The following SPATA1 variants were observed in gnomAD, a reference collection of about 807,000 sequenced individuals.
SPATA1 encodes spermatogenesis-associated protein 1.
In SPATA1, 57 loss-of-function variants were observed where a neutral mutation model predicts 59.6. The observed-to-expected ratio is 0.96, with a 90% CI of 0.77 to 1.19. SPATA1 has a LOEUF of 1.19. Ranked by LOEUF, SPATA1 falls within the 50% of genes most tolerant of loss-of-function variation. The probability of loss-of-function intolerance (pLI) is 0.00; values close to 1 mark genes in which losing one functional copy is unlikely to be tolerated. For missense variants in SPATA1, 448 were observed against 480.7 expected (o/e 0.93, Z 0.64); for synonymous variants, 147 against 163.9 (o/e 0.90, Z 0.79).
chr1:84,529,723 C>A (rs1458966452), intron 6 of SPATA1, among the ~76,000 whole-genome samples: 1 of 151,482 alleles, frequency 6.6e-6, no homozygotes, highest in Non-Finnish European at 1.5e-5. Context: ...ATTACAGGTG[C>A]CTGCCACCAC....
chr1:84,511,056 T>TAAG (rs905710467), intron 1 of SPATA1, among the ~76,000 whole-genome samples: 2 of 152,106 alleles, frequency 1.3e-5, no homozygotes, highest in Non-Finnish European at 1.5e-5. Context: ...TACAGAAATA[T>TAAG]AAGTTAGATA....
chr1:84,550,650 GTTACC>G (rs1042958365), intron 12 of SPATA1, 120 bp downstream of exon 12: 17 of 1,264,372 alleles, frequency 1.3e-5, no homozygotes, highest in Non-Finnish European at 1.6e-5. Flanking sequence ...TATTAAAATT[GTTACC>G]TTAACAGTAA....
intron 1 of SPATA1, chr1:84,507,307 A>G (rs1486838675): frequency 5.9e-5 from 9 of 152,234 alleles, no homozygotes; most frequent in Non-Finnish European, 4.4e-5. Flanking sequence ...AACAAAATCT[A>G]ATTTATTTAC....
intron 1 of SPATA1, chr1:84,506,968 T>C (rs1186894807): frequency 6.6e-6 from 1 of 152,256 alleles, no homozygotes; most frequent in Non-Finnish European, 1.5e-5. Context: ...TATTGTACTT[T>C]TTAAAATAAA....
At chr1:84,536,604 C>A (rs1683694054) in intron 8 of SPATA1, among the ~76,000 whole-genome samples, 1 of 152,100 alleles carries the variant, frequency 6.6e-6, no homozygotes, top group Admixed American at 6.5e-5. Context: ...CCACCACGCC[C>A]GGCTAATTTT....
chr1:84,527,642 T>G (rs1435521271), intron 6 of SPATA1: 1 of 152,214 alleles, frequency 6.6e-6, no homozygotes, highest in East Asian at 1.9e-4. Context: ...TAAATATAGA[T>G]CTGTGTCATT....
chr1:84,557,271 G>A (rs1486887919), downstream of SPATA1, among the ~76,000 whole-genome samples: 2 of 152,082 alleles, frequency 1.3e-5, no homozygotes, highest in African/African-American at 4.8e-5. Flanking sequence ...GATGGCTTAC[G>A]CCTGTAATCC....
At chr1:84,545,878 A>C in intron 10 of SPATA1, 119 bp downstream of exon 10, 1 of 739,604 alleles carries the variant, frequency 1.4e-6, no homozygotes, top group Admixed American at 4.5e-5. Context: ...ATTTTAGTTT[A>C]AGTGGTACAT....
intron 8 of SPATA1, among the ~76,000 whole-genome samples, chr1:84,535,695 T>C (rs1683649572): frequency 6.6e-6 from 1 of 152,332 alleles, no homozygotes; most frequent in Non-Finnish European, 1.5e-5. Flanking sequence ...TTTTGCTAAA[T>C]TCAATTAGTT....
exon 7 of SPATA1, chr1:84,532,957 C>G: frequency 6.4e-7 from 1 of 1,550,700 alleles, no homozygotes; most frequent in Non-Finnish European, 8.7e-7. Flanking sequence ...ATAATGATTG[C>G]TTTGGCACTA....
intron 8 of SPATA1, among the ~76,000 whole-genome samples, chr1:84,534,948 A>G (rs1330048310): frequency 6.6e-6 from 1 of 152,138 alleles, no homozygotes; most frequent in African/African-American, 2.4e-5. Context: ...TTCTCCTCAG[A>G]CAATCAAGAC....
chr1:84,558,781 G>T (rs996865594), downstream of SPATA1, among the ~76,000 whole-genome samples: 4 of 151,892 alleles, frequency 2.6e-5, no homozygotes, highest in Non-Finnish European at 4.4e-5. Context: ...CACGCCTATG[G>T]TCCTAGCTAC....
chr1:84,531,065 A>G (rs1024601863), intron 6 of SPATA1, among the ~76,000 whole-genome samples: 1 of 152,096 alleles, frequency 6.6e-6, no homozygotes, highest in African/African-American at 2.4e-5. Context: ...GTGGGTAGGG[A>G]GAGTTGTAGT....
chr1:84,513,120 G>A (rs567256897), intron 1 of SPATA1, among the ~76,000 whole-genome samples: 2 of 152,010 alleles, frequency 1.3e-5, no homozygotes, highest in Admixed American at 1.3e-4. Flanking sequence ...TTTTGGTTTT[G>A]TTTTGTTTTG....
chr1:84,528,067 G>T (rs1683304515), intron 6 of SPATA1, among the ~76,000 whole-genome samples: 2 of 152,158 alleles, frequency 1.3e-5, no homozygotes, highest in South Asian at 4.1e-4. Flanking sequence ...TCATGCATTT[G>T]TCCTATTATT....
chr1:84,560,983 T>C (rs748370984), intron 4 of SPATA1, among the ~76,000 whole-genome samples: 2 of 152,250 alleles, frequency 1.3e-5, no homozygotes, highest in Non-Finnish European at 2.9e-5. Flanking sequence ...TCATGCCTGC[T>C]AACACAACAT....
intron 8 of SPATA1, among the ~76,000 whole-genome samples, chr1:84,542,125 G>A (rs1457862908): frequency 3.3e-5 from 5 of 152,060 alleles, no homozygotes; most frequent in East Asian, 1.9e-4. Flanking sequence ...CACCACACCC[G>A]ACTAAGTTTT....
At chr1:84,552,853 T>C in intron 12 of SPATA1, 1 of 522,434 alleles carries the variant, frequency 1.9e-6, no homozygotes, top group South Asian at 2.5e-5. Context: ...ATAAGCATGC[T>C]TATTAAACAG....
downstream of SPATA1, among the ~76,000 whole-genome samples, chr1:84,558,328 C>T (rs1684510946): frequency 6.6e-6 from 1 of 150,428 alleles, no homozygotes; most frequent in African/African-American, 2.4e-5. Context: ...CTCGCTCTGT[C>T]GCCCAGGCTG....
Sources: gnomAD v4.1 joint callset for allele counts (sites outside exome capture counted in the v4.1 genomes callset) on GRCh38, gnomAD v4.1.1 for gene constraint, MANE v1.5 for transcripts, NCBI Gene and HGNC (gene_info 2026-07-23, HGNC 2026-07-21) for gene names.